Variants in GMPS observed in about 807,000 individuals in gnomAD.
GMPS encodes GMP synthase [glutamine-hydrolyzing].
In GMPS, 15 loss-of-function variants were observed where a neutral mutation model predicts 77.9. That is an observed-to-expected ratio of 0.19 (90% CI 0.13 to 0.30). The LOEUF (loss-of-function observed/expected upper bound fraction) is 0.30. Ranked by LOEUF, GMPS falls within the 10% of genes least tolerant of loss-of-function variation. The pLI is 1.00. For synonymous variants in GMPS, 224 were observed against 275.9 expected (o/e 0.81, Z 1.86); for missense variants, 590 against 838.8 (o/e 0.70, Z 3.66).
At chr3:155,913,350 G>A (rs1050202459) in intron 7 of GMPS, among the ~76,000 whole-genome samples, 1 of 152,124 alleles carries the variant, frequency 6.6e-6, no homozygotes, top group African/African-American at 2.4e-5. Flanking sequence ...GCCAAGGATT[G>A]TTAAATGTAT....
At position 155,936,517 on chromosome 3, in the gene GMPS, T is replaced by C. The variant is rs1755769037; in HGVS notation, c.1980+7T>C. 3 of 1,561,370 alleles carry C rather than the reference T, an allele frequency of 1.9e-6. No homozygotes were observed. The African/African-American group carries it at 4.1e-5, about 21-fold the overall frequency. ...CAATGAGATCCCTGTAGAGGTAATT[T>C]ATATATTTTTTTCTAATGCACGTTC... On this transcript the variant is annotated splice_region_variant and intron_variant, in intron 15 of 15. Coordinates refer to ENST00000496455, the MANE Select transcript of GMPS (RefSeq NM_003875.3).
chr3:155,895,175 G>A (rs1039285921), intron 2 of GMPS, among the ~76,000 whole-genome samples: 1 of 152,194 alleles, frequency 6.6e-6, no homozygotes, highest in Non-Finnish European at 1.5e-5. Flanking sequence ...CCCTTATGTA[G>A]TAGGAGAATA....
intron 9 of GMPS, among the ~76,000 whole-genome samples, chr3:155,916,824 T>C (rs1214930637): frequency 1.3e-5 from 2 of 152,204 alleles, no homozygotes; most frequent in African/African-American, 2.4e-5. Context: ...TTTTGATGAA[T>C]TGCCAAACTA....
At chr3:155,882,915 C>T (rs532042844) in intron 1 of GMPS, among the ~76,000 whole-genome samples, 1 of 152,024 alleles carries the variant, frequency 6.6e-6, no homozygotes, top group African/African-American at 2.4e-5. Flanking sequence ...TCATTATTTC[C>T]AATGGTGCAA....
At chr3:155,878,241 G>C (rs997089561) in intron 1 of GMPS, among the ~76,000 whole-genome samples, 5 of 152,164 alleles carry the variant, frequency 3.3e-5, no homozygotes, top group Non-Finnish European at 7.4e-5. Flanking sequence ...ACCTATTTTG[G>C]ACATTTTGTG....
chr3:155,894,621 G>A (rs1402811132), intron 2 of GMPS, among the ~76,000 whole-genome samples: 1 of 151,616 alleles, frequency 6.6e-6, no homozygotes, highest in African/African-American at 2.4e-5. Flanking sequence ...GTCCTTAATT[G>A]GCTCTTAAAC....
Position 155,911,225 on chromosome 3 carries a change from C to T in GMPS, c.832C>T (p.Arg278Ter), listed in dbSNP as rs1755030476. The change falls in exon 7 of 16, where the codon CGA becomes TGA. Residue 278 changes from arginine to a stop codon, truncating the protein, a stop_gained. Transcript: ENST00000496455. LOFTEE classifies it high-confidence loss of function. The stretch of plus-strand genomic sequence containing the variant: ...CATTGATAATGGCTTTATGAGAAAA[C>T]GAGAAAGCCAGTCTGTTGAAGAGGC... ...VHIDNGFMRKRESQSVEEALK... is the reference protein window; with the variant it reads ...VHIDNGFMRK 1.2e-6 allele frequency: 2 copies of T among 1,612,030 alleles called. No individual in the cohort carries two copies. The highest frequency in any genetic ancestry group is 1.7e-6 in the Non-Finnish European group (2 of 1,178,666).
rs1292730374 is a variant in GMPS, at chr3:155,898,008, C to G, written c.291C>G (p.Gly97=). 1.2e-6 allele frequency: 2 copies of G among 1,608,044 alleles called. No individual in the cohort carries two copies. The highest frequency in any genetic ancestry group is 1.7e-6 in the Non-Finnish European group (2 of 1,174,668). The change falls in exon 3 of 16, where the codon GGC becomes GGG. Residue 97 remains glycine (G), a synonymous_variant. Transcript: ENST00000496455. Reference sequence around the variant, plus strand: ...TTGATCCAGCAATATTCACTATTGGCAAGCCTGTTCTTGGAATTTGCTATG... The same window carrying G: ...TTGATCCAGCAATATTCACTATTGGGAAGCCTGTTCTTGGAATTTGCTATG... ...PWFDPAIFTI[G]KPVLGICYGM...
intron 12 of GMPS, among the ~76,000 whole-genome samples, chr3:155,928,935 A>G (rs1414543523): frequency 4.0e-5 from 6 of 150,378 alleles, no homozygotes; most frequent in African/African-American, 1.5e-4. Flanking sequence ...CCAGTCTGTC[A>G]TTGTTGGACA....
At chr3:155,931,730 CTATTAAAAAT>C in intron 12 of GMPS, 25 bp from the exon 13 acceptor site, 1 of 761,404 alleles carries the variant, frequency 1.3e-6, no homozygotes, top group African/African-American at 1.8e-5. Context: ...TATCTTTTGA[CTATTAAAAAT>C]TATTGATTAT....
chr3:155,941,088 G>T lies in GMPS; in HGVS notation c.*3396G>T. 5.4e-6 allele frequency: 1 copy of T among 186,442 alleles called. No homozygotes were observed. The highest frequency in any genetic ancestry group is 1.1e-5 in the Non-Finnish European group (1 of 88,218). The allele number at this position is 186,442 out of a possible 1,614,324, so 11.5% of individuals were successfully genotyped here. A position where few individuals can be genotyped will look rare whatever the true frequency, so the allele number is the denominator to read the frequency against. ...TCTGCATGGAAGAGGAAATGCTCTA[G>T]GGCCCTTCAGGGCAAATCTTAAAAG... On this transcript the variant is annotated 3_prime_UTR_variant, in exon 16 of 16. Transcript: ENST00000496455.
At chr3:155,886,020 C>T (rs1456903353) in intron 1 of GMPS, among the ~76,000 whole-genome samples, 2 of 151,966 alleles carry the variant, frequency 1.3e-5, no homozygotes, top group Non-Finnish European at 2.9e-5. Context: ...GAGGTTTTGC[C>T]ACGTTGCCCA....
At chr3:155,921,070 G>A (rs9820541) in intron 10 of GMPS, among the ~76,000 whole-genome samples, 11,250 of 152,038 alleles carry the variant, frequency 0.074, 495 homozygotes, top group East Asian at 0.18. Flanking sequence ...GGTGAAACCC[G>A]ATCTCTACTA....
intron 1 of GMPS, among the ~76,000 whole-genome samples, chr3:155,885,499 A>T (rs1310418195): frequency 2.0e-5 from 3 of 152,168 alleles, no homozygotes. Context: ...CTAATATTGT[A>T]CATTATTGCA....
chr3:155,893,416 T>C, intron 1 of GMPS, 102 bp from the exon 2 acceptor site: 1 of 722,986 alleles, frequency 1.4e-6, no homozygotes, highest in African/African-American at 1.8e-5. Context: ...AAGTTTTCAT[T>C]CCTATGTGTT....
chr3:155,901,381 G>A (rs977496290), intron 3 of GMPS, among the ~76,000 whole-genome samples: 2 of 151,910 alleles, frequency 1.3e-5, no homozygotes, highest in Admixed American at 6.6e-5. Context: ...TTTGAATATA[G>A]CATGTTACTT....
chr3:155,882,298 A>G (rs531203468), intron 1 of GMPS, among the ~76,000 whole-genome samples: 20 of 152,366 alleles, frequency 1.3e-4, no homozygotes, highest in East Asian at 1.2e-3. Flanking sequence ...AAACATTTGC[A>G]TAAGTACAGT....
chr3:155,875,264 T>C (rs1162046174), intron 1 of GMPS, among the ~76,000 whole-genome samples: 1 of 152,156 alleles, frequency 6.6e-6, no homozygotes, highest in African/African-American at 2.4e-5. Context: ...AAAGTCTTGC[T>C]CTGTCACCCA....
chr3:155,919,606 A>AC (rs1449478272), intron 10 of GMPS, among the ~76,000 whole-genome samples: 2 of 152,154 alleles, frequency 1.3e-5, no homozygotes, highest in African/African-American at 4.8e-5. Flanking sequence ...AGATGAGAAA[A>AC]CCAAGACATA....
Sources: allele counts gnomAD v4.1 joint callset (sites outside exome capture counted in the v4.1 genomes callset), GRCh38; gene constraint gnomAD v4.1.1; transcripts MANE v1.5; gene names NCBI Gene and HGNC (gene_info 2026-07-23, HGNC 2026-07-21).